ADGRG7: variants seen among roughly 807,000 people sequenced by gnomAD.
ADGRG7 encodes G-protein coupled receptor 128.
ADGRG7 carries 82 observed loss-of-function variants against 88.6 expected under a neutral mutation model. The observed-to-expected ratio is 0.93, with a 90% CI of 0.77 to 1.11. ADGRG7 has a LOEUF of 1.11. Among genes scored for constraint, ADGRG7 ranks in the 50% most tolerant of loss-of-function variants. The pLI, the probability that ADGRG7 is intolerant of heterozygous loss-of-function variation, is 0.00. For missense variants in ADGRG7, 945 were observed against 953.4 expected (o/e 0.99, Z 0.12); for synonymous variants, 381 against 345.2 (o/e 1.10, Z -1.15).
At chr3:100,668,883 T>C in intron 14 of ADGRG7, 66 bp from the exon 15 acceptor site, 1 of 1,164,770 alleles carries the variant, frequency 8.6e-7, no homozygotes, top group Non-Finnish European at 1.2e-6. Flanking sequence ...AATAGGAGAG[T>C]AATAATGACG....
chr3:100,690,949 C>T (rs892907277), intron 15 of ADGRG7, among the ~76,000 whole-genome samples: 2 of 152,166 alleles, frequency 1.3e-5, no homozygotes, highest in Non-Finnish European at 2.9e-5. Context: ...TTGTTTGTGC[C>T]CTGTCCCCAG....
At position 100,659,860 on chromosome 3, in the gene ADGRG7, A is replaced by G; in HGVS notation, c.1979+17A>G. The G allele has an allele frequency of 6.2e-7, 1 of 1,610,486 alleles. No homozygotes were observed. Among genetic ancestry groups the G allele is most frequent in the South Asian group, 1.1e-5 (1 of 90,516 alleles). ...CCTGACAAGGTAAGATTCCCAATGA[A>G]TGGGAAGCTGCCAGGCAAGGCTCAT... On this transcript the variant is annotated intron_variant, in intron 14 of 15. Coordinates refer to ENST00000273352, the MANE Select transcript of ADGRG7 (RefSeq NM_032787.3).
At chr3:100,610,546 C>T (rs79602293) in intron 1 of ADGRG7, among the ~76,000 whole-genome samples, 99 of 152,264 alleles carry the variant, frequency 6.5e-4, no homozygotes, top group African/African-American at 2.1e-3. Flanking sequence ...GATTATTCAA[C>T]GAACATTTGT....
intron 13 of ADGRG7, among the ~76,000 whole-genome samples, chr3:100,656,784 G>T (rs1232408597): frequency 5.0e-5 from 1 of 20,098 alleles, no homozygotes; most frequent in Non-Finnish European, 2.8e-4. Flanking sequence ...AGGCTGTGGT[G>T]TCTGGGAACT....
chr3:100,678,584 A>G (rs941377602), intron 15 of ADGRG7, among the ~76,000 whole-genome samples: 3 of 152,162 alleles, frequency 2.0e-5, no homozygotes, highest in African/African-American at 7.2e-5. Flanking sequence ...GTTCTTCAGA[A>G]GGCTTTCTAG....
At chr3:100,654,790 G>A in intron 11 of ADGRG7, 45 bp from the exon 12 acceptor site, 1 of 1,201,162 alleles carries the variant, frequency 8.3e-7, no homozygotes, top group Admixed American at 2.4e-5. Context: ...TTGTGCAGTT[G>A]TTGTGTTTCA....
chr3:100,686,868 TG>T (rs1484357572), intron 15 of ADGRG7, among the ~76,000 whole-genome samples: 1 of 152,252 alleles, frequency 6.6e-6, no homozygotes, highest in Admixed American at 6.5e-5. Flanking sequence ...GGCTCTTTTT[TG>T]GTTCCATATG....
chr3:100,617,409 C>T (rs971684828), intron 1 of ADGRG7, among the ~76,000 whole-genome samples: 1 of 145,848 alleles, frequency 6.9e-6, no homozygotes, highest in Non-Finnish European at 1.5e-5. Context: ...GTGATGTTCC[C>T]CTTCCTGTGT....
intron 1 of ADGRG7, among the ~76,000 whole-genome samples, chr3:100,615,129 A>G (rs974425241): frequency 2.0e-5 from 3 of 152,230 alleles, no homozygotes; most frequent in African/African-American, 7.2e-5. Context: ...AGTTACAAGG[A>G]GGTCTGAGTC....
At chr3:100,667,965 G>A (rs190299705) in intron 14 of ADGRG7, among the ~76,000 whole-genome samples, 3 of 152,200 alleles carry the variant, frequency 2.0e-5, no homozygotes, top group African/African-American at 2.4e-5. Context: ...TTCAAAGACC[G>A]TGGGACAAGC....
chr3:100,666,436 A>C (rs2094951847), intron 14 of ADGRG7, among the ~76,000 whole-genome samples: 1 of 152,206 alleles, frequency 6.6e-6, no homozygotes, highest in Non-Finnish European at 1.5e-5. Flanking sequence ...AAGGTAAAGG[A>C]TTAAGTGCTG....
At chr3:100,641,148 G>C (rs1361070003) in intron 6 of ADGRG7, among the ~76,000 whole-genome samples, 1 of 152,142 alleles carries the variant, frequency 6.6e-6, no homozygotes, top group Non-Finnish European at 1.5e-5. Flanking sequence ...AGTTTAAAGA[G>C]AGTTCGTTCA....
intron 1 of ADGRG7, among the ~76,000 whole-genome samples, chr3:100,627,790 T>G (rs137968026): frequency 6.6e-6 from 1 of 152,260 alleles, no homozygotes; most frequent in East Asian, 1.9e-4. Flanking sequence ...TTGTGATTCT[T>G]CTGAGCCTCT....
intron 14 of ADGRG7, among the ~76,000 whole-genome samples, chr3:100,668,269 G>T (rs900798510): frequency 6.6e-6 from 1 of 152,182 alleles, no homozygotes; most frequent in Non-Finnish European, 1.5e-5. Flanking sequence ...CATGTCTGGT[G>T]GTTGGTGTTT....
intron 15 of ADGRG7, among the ~76,000 whole-genome samples, chr3:100,678,315 G>C (rs1191762971): frequency 6.6e-6 from 1 of 151,938 alleles, no homozygotes; most frequent in African/African-American, 2.4e-5. Context: ...TATTTGATAG[G>C]ATTCTGAATT....
intron 15 of ADGRG7, among the ~76,000 whole-genome samples, chr3:100,690,069 G>A (rs9849962): frequency 0.011 from 1,720 of 152,124 alleles, 16 homozygotes; most frequent in Middle Eastern, 0.051. Flanking sequence ...GGCTTTGTTC[G>A]TTTCTTTTTA....
Position 100,618,434 on chromosome 3 carries a change from C to T in ADGRG7, c.115+8463C>T, listed in dbSNP as rs556055515. ...GGATCTAGTTTCAGCTTTCTACATT[C>T]GGCTAGCCAGTTTTCCCAGCACCAT... On this transcript the variant is annotated intron_variant, in intron 1 of 15. Transcript: ENST00000273352. Among the ~76,000 whole-genome samples, 642 of 152,238 alleles carry T rather than the reference C, an allele frequency of 4.2e-3. 5 individuals carry two copies. The highest frequency in any genetic ancestry group is 9.2e-3 in the East Asian group (48 of 5,190).
chr3:100,675,463 G>A (rs2094963865), intron 15 of ADGRG7, among the ~76,000 whole-genome samples: 1 of 152,132 alleles, frequency 6.6e-6, no homozygotes, highest in Non-Finnish European at 1.5e-5. Context: ...CATGATGAAT[G>A]ACCTTTTTAG....
At chr3:100,632,169 A>G (rs1707467252) in intron 3 of ADGRG7, among the ~76,000 whole-genome samples, 1 of 152,162 alleles carries the variant, frequency 6.6e-6, no homozygotes, top group Non-Finnish European at 1.5e-5. Flanking sequence ...TAAAAGTGTC[A>G]GTAACATACC....
Sources: gnomAD v4.1 joint callset for allele counts (sites outside exome capture counted in the v4.1 genomes callset) on GRCh38, gnomAD v4.1.1 for gene constraint, MANE v1.5 for transcripts, NCBI Gene and HGNC (gene_info 2026-07-23, HGNC 2026-07-21) for gene names.